Variants in SNTA1 observed in about 807,000 individuals in gnomAD.
The protein encoded by SNTA1 is alpha-1-syntrophin.
Under a neutral mutation model 47.1 loss-of-function variants are expected in SNTA1, and 31 were observed. The ratio of observed to expected loss-of-function variants is 0.66; its 90% confidence interval spans 0.49 to 0.89. SNTA1 has a LOEUF of 0.89. Among genes scored for constraint, SNTA1 ranks in the 40% least tolerant of loss-of-function variants. The probability of loss-of-function intolerance (pLI) is 0.00; values close to 1 mark genes in which losing one functional copy is unlikely to be tolerated. For synonymous variants in SNTA1, 300 were observed against 313.6 expected (o/e 0.96, Z 0.46); for missense variants, 575 against 693.0 (o/e 0.83, Z 1.91).
At chr20:33,417,683 T>C in intron 3 of SNTA1, 36 bp downstream of exon 3, 2 of 1,488,680 alleles carry the variant, frequency 1.3e-6, no homozygotes, top group Non-Finnish European at 1.9e-6. Context: ...CGCCAGGGCA[T>C]CTGTCCATCT....
chr20:33,408,841 T>C lies in SNTA1; in HGVS notation c.1285A>G (p.Lys429Glu), dbSNP rs1429414833. 2 of 1,614,078 alleles carry C rather than the reference T, an allele frequency of 1.2e-6. No individual in the cohort carries two copies. Among genetic ancestry groups the C allele is most frequent in the African/African-American group, 2.7e-5 (2 of 74,912 alleles). The change falls in exon 7 of 8, where the codon AAG (lysine) becomes GAG (glutamate). Residue 429 changes from lysine to glutamate, a missense_variant. By Grantham distance (56) the Lys-to-Glu change is moderately conservative. Coordinates refer to ENST00000217381, the MANE Select transcript of SNTA1 (RefSeq NM_003098.3). ...TCAGCCGCCCACAGTGTGAAGCCCTTGTCGATGTGCACAGACAGGCTGCAG... is the reference window on the plus strand; with the variant it reads ...TCAGCCGCCCACAGTGTGAAGCCCTCGTCGATGTGCACAGACAGGCTGCAG... ...RPCSLSVHIDKGFTLWAAEPG... is the reference protein window; with the variant it reads ...RPCSLSVHIDEGFTLWAAEPG...
In SNTA1 at chr20:33,415,313, T is replaced by A. The variant is rs78673334; in HGVS notation, c.701+2406A>T. 8.6e-3 allele frequency among the ~76,000 whole-genome samples: 1,313 copies of A among 152,228 alleles called. 11 individuals are homozygous for A. Among genetic ancestry groups the A allele is most frequent in the African/African-American group, 0.029 (1,198 of 41,538 alleles). On this transcript the variant is annotated intron_variant, in intron 3 of 7. Transcript: ENST00000217381. Reference sequence around the variant, plus strand: ...CTGGGATCAGGCTGGGAATCTAAGGTTCTATGAGTCTCTAGAAGGACTAAT... The same window carrying A: ...CTGGGATCAGGCTGGGAATCTAAGGATCTATGAGTCTCTAGAAGGACTAAT...
At chr20:33,409,621 C>T (rs541721185) in intron 6 of SNTA1, among the ~76,000 whole-genome samples, 92 of 151,980 alleles carry the variant, frequency 6.1e-4, no homozygotes, top group African/African-American at 2.2e-3. Flanking sequence ...GTACCATGCC[C>T]GGCTAATTTT....
At chr20:33,416,938 CAA>C (rs1161474406) in intron 3 of SNTA1, among the ~76,000 whole-genome samples, 605 of 55,982 alleles carry the variant, frequency 0.011, 3 homozygotes, top group African/African-American at 0.035. Flanking sequence ...GAGACTCTGT[CAA>C]AAAAAAAAAA....
chr20:33,422,267 C>T (rs536904674), intron 2 of SNTA1, among the ~76,000 whole-genome samples: 16 of 151,762 alleles, frequency 1.1e-4, no homozygotes, highest in African/African-American at 3.6e-4. Context: ...GGTGAAACCT[C>T]GTCTCTACTA....
At chr20:33,433,985 A>C (rs1412933797) in intron 2 of SNTA1, among the ~76,000 whole-genome samples, 2 of 152,156 alleles carry the variant, frequency 1.3e-5, no homozygotes, top group Non-Finnish European at 2.9e-5. Flanking sequence ...GGACATCCTC[A>C]GGGGATTCAC....
At chr20:33,410,416 GA>G in intron 5 of SNTA1, 85 bp from the exon 6 acceptor site, 1 of 867,844 alleles carries the variant, frequency 1.2e-6, no homozygotes. Context: ...GACCTGGGAA[GA>G]AACCCTGTAA....
chr20:33,415,480 C>A (rs1266778778), intron 3 of SNTA1, among the ~76,000 whole-genome samples: 3 of 152,118 alleles, frequency 2.0e-5, no homozygotes, highest in East Asian at 3.9e-4. Flanking sequence ...TGTGGTGAAA[C>A]CCTGTCTCTA....
chr20:33,408,644 G>A (rs770393018), intron 7 of SNTA1, 45 bp from the exon 8 acceptor site: 9 of 1,610,258 alleles, frequency 5.6e-6, no homozygotes, highest in Non-Finnish European at 1.7e-6. Context: ...GGCCAGCCTG[G>A]CCTCCGAGAG....
Position 33,430,723 on chromosome 20 carries a change from C to T in SNTA1, c.496+8118G>A, listed in dbSNP as rs139178081. On this transcript the variant is annotated intron_variant, in intron 2 of 7. Transcript: ENST00000217381. Reference sequence around the variant, plus strand: ...CAGCACTTTGGAAGGCAGAGGAGGGCGGATCACATGAGGTCAGGAATTCGA... The same window carrying T: ...CAGCACTTTGGAAGGCAGAGGAGGGTGGATCACATGAGGTCAGGAATTCGA... Among the ~76,000 whole-genome samples the T allele has an allele frequency of 8.7e-3, 1,318 of 150,776 alleles. 12 individuals carry two copies. Among genetic ancestry groups the T allele is most frequent in the African/African-American group, 0.029 (1,203 of 41,024 alleles).
Position 33,414,245 on chromosome 20 carries a change from C to CAAAAAA in SNTA1, c.702-1469_702-1464dup, listed in dbSNP as rs56186098. The stretch of plus-strand genomic sequence containing the variant: ...AAAAGCGAAACTCCGTCTCAAAAAC[C>CAAAAAA]AAAAAAAAAAAAAAAAAAAAAAAAA... On this transcript the variant is annotated intron_variant, in intron 3 of 7. Coordinates refer to ENST00000217381, the MANE Select transcript of SNTA1 (RefSeq NM_003098.3). Among the ~76,000 whole-genome samples the CAAAAAA allele has an allele frequency of 7.9e-4, 23 of 29,266 alleles. 2 individuals are homozygous for CAAAAAA. Among genetic ancestry groups the CAAAAAA allele is most frequent in the South Asian group, 1.7e-3 (1 of 580 alleles). 19.2% of individuals were successfully genotyped at this position (29,266 alleles called of 152,430 possible).
chr20:33,429,606 G>A (rs1990246310), intron 2 of SNTA1, among the ~76,000 whole-genome samples: 1 of 151,948 alleles, frequency 6.6e-6, no homozygotes. Flanking sequence ...CTCCAGCCTG[G>A]CCAACAAGAG....
intron 1 of SNTA1, among the ~76,000 whole-genome samples, chr20:33,443,088 A>G (rs763855311): frequency 6.7e-6 from 1 of 149,612 alleles, no homozygotes; most frequent in Non-Finnish European, 1.5e-5. Context: ...TGCTCCCACA[A>G]TCTTATCCAC....
rs1990636962 is a variant in SNTA1 at position 33,443,601 on chromosome 20, G to A, written c.20C>T (p.Ala7Val). 8.1e-7 allele frequency: 1 copy of A among 1,236,086 alleles called. No homozygotes were observed. Among genetic ancestry groups the A allele is most frequent in the Non-Finnish European group, 1.0e-6 (1 of 989,008 alleles). 76.6% of individuals were successfully genotyped at this position (1,236,086 alleles called of 1,614,324 possible). Residue 7 changes from alanine to valine, a missense_variant, in exon 1 of 8, where the codon GCC (alanine) becomes GTC (valine). Transcript: ENST00000217381. MASGRR[A>V]PRTGLLELRA... ...CAGCTCCAGCAGCCCGGTGCGCGGGGCGCGCCTGCCGGACGCCATCTTCGC... is the reference window on the plus strand; with the variant it reads ...CAGCTCCAGCAGCCCGGTGCGCGGGACGCGCCTGCCGGACGCCATCTTCGC...
chr20:33,441,216 T>C (rs1990569227), intron 1 of SNTA1, among the ~76,000 whole-genome samples: 1 of 152,206 alleles, frequency 6.6e-6, no homozygotes, highest in African/African-American at 2.4e-5. Context: ...TTAGGGAAAC[T>C]GAAGTGTGGA....
At chr20:33,441,476 C>T (rs1039869662) in intron 1 of SNTA1, among the ~76,000 whole-genome samples, 1 of 152,142 alleles carries the variant, frequency 6.6e-6, no homozygotes, top group African/African-American at 2.4e-5. Flanking sequence ...TCTCTTGACG[C>T]CCACACAGGC....
chr20:33,412,716 A>G lies in SNTA1; in HGVS notation c.768T>C (p.Ser256=), dbSNP rs1366051098. 3.7e-6 allele frequency: 6 copies of G among 1,613,458 alleles called. No homozygotes were observed. In the African/African-American group the frequency reaches 4.0e-5, roughly 11 times the overall value. ...GGATGGCAGTCGCCCACGACCTCGC[A>G]CTAGCCTCATCCTTGGCCCTCAGGA... ...TLFLRAKDEA[S]ARSWATAIQA... The change falls in exon 4 of 8, where the codon AGT becomes AGC. Residue 256 remains serine, a synonymous_variant. Coordinates refer to ENST00000217381, the MANE Select transcript of SNTA1 (RefSeq NM_003098.3).
intron 2 of SNTA1, among the ~76,000 whole-genome samples, chr20:33,421,173 A>G (rs894180005): frequency 1.9e-4 from 28 of 145,302 alleles, no homozygotes; most frequent in Admixed American, 1.4e-3. Context: ...CCCTGTCTCA[A>G]AAAAAAAAAA....
intron 2 of SNTA1, among the ~76,000 whole-genome samples, chr20:33,423,115 T>G (rs1990073866): frequency 6.6e-6 from 1 of 152,182 alleles, no homozygotes; most frequent in Non-Finnish European, 1.5e-5. Flanking sequence ...TTGTCAACTT[T>G]GAAGCCAGAG....
Sources: allele counts gnomAD v4.1 joint callset (sites outside exome capture counted in the v4.1 genomes callset), GRCh38; gene constraint gnomAD v4.1.1; transcripts MANE v1.5; gene names NCBI Gene and HGNC (gene_info 2026-07-23, HGNC 2026-07-21).